Variants in VIPR2 observed in about 807,000 individuals in gnomAD.
The protein encoded by VIPR2 is vasoactive intestinal peptide receptor 2, also known as vasoactive intestinal polypeptide receptor 2.
Under a neutral mutation model 58.0 loss-of-function variants are expected in VIPR2, and 48 were observed. The ratio of observed to expected loss-of-function variants is 0.83; its 90% CI spans 0.66 to 1.05. The LOEUF is 1.05. Ranked by LOEUF, VIPR2 falls within the 50% of genes least tolerant of loss-of-function variation. VIPR2 has a pLI of 0.00. For missense variants in VIPR2, 534 were observed against 558.0 expected (o/e 0.96, Z 0.43); for synonymous variants, 243 against 235.2 (o/e 1.03, Z -0.30).
chr7:159,042,042 G>T (rs896806447), intron 6 of VIPR2, among the ~76,000 whole-genome samples: 1 of 152,136 alleles, frequency 6.6e-6, no homozygotes, highest in African/African-American at 2.4e-5. Context: ...GGCATCACGC[G>T]CCAGCTTATC....
chr7:159,110,414 T>C (rs1002703167), intron 2 of VIPR2, among the ~76,000 whole-genome samples: 2 of 152,276 alleles, frequency 1.3e-5, no homozygotes, highest in Non-Finnish European at 2.9e-5. Flanking sequence ...ATAATTTGCA[T>C]AATGCATAGC....
intron 2 of VIPR2, among the ~76,000 whole-genome samples, chr7:159,140,728 C>G (rs1797430714): frequency 6.6e-6 from 1 of 152,204 alleles, no homozygotes; most frequent in African/African-American, 2.4e-5. Flanking sequence ...TGGCGTGGGG[C>G]TGAGTGACTG....
In VIPR2 at chr7:159,103,812, G is replaced by A. The variant is rs779299615; in HGVS notation, c.302C>T (p.Thr101Met). The change falls in exon 4 of 13, where the codon ACG becomes ATG. Residue 101 changes from threonine (T) to methionine (M), a missense_variant. Transcript: ENST00000262178. The part of the protein sequence containing the change: ...KNCTSDGWSE[T>M]FPDFVDACGY... ...ACAGGCATCGACGAAATCTGGGAAC[G>A]TCTCTGACCATCCGTCACTCGTACA... 10 of 1,614,020 alleles carry A rather than the reference G, an allele frequency of 6.2e-6. No individual in the cohort carries two copies. Among genetic ancestry groups the A allele is most frequent in the South Asian group, 2.2e-5 (2 of 91,080 alleles).
Position 159,096,126 on chromosome 7 carries a change from G to A in VIPR2, c.357+7631C>T, listed in dbSNP as rs1250826578. ...CCCACATACAGACCTCCCCTTAAGG[G>A]GAGCAGCAGGGAGGCTGGACCCTTC... On this transcript the variant is annotated intron_variant, in intron 4 of 12. Coordinates refer to ENST00000262178, the MANE Select transcript of VIPR2 (RefSeq NM_003382.5). This position sits in a 1 kb window ranked among gnomAD's most constrained non-coding sequence, Gnocchi z 5.5. Among the ~76,000 whole-genome samples, 2 of 152,156 alleles carry A rather than the reference G, an allele frequency of 1.3e-5. No individual in the cohort carries two copies. Among genetic ancestry groups the A allele is most frequent in the African/African-American group, 4.8e-5 (2 of 41,440 alleles).
intron 5 of VIPR2, among the ~76,000 whole-genome samples, chr7:159,054,719 T>A (rs1162088671): frequency 6.6e-6 from 1 of 152,220 alleles, no homozygotes; most frequent in African/African-American, 2.4e-5. Context: ...AGTGGGTGTG[T>A]ACACTGGTAA....
In VIPR2 at chr7:159,093,084, G is replaced by A. The variant is rs1036447200; in HGVS notation, c.357+10673C>T. On this transcript the variant is annotated intron_variant, in intron 4 of 12. Transcript: ENST00000262178. This position sits in a 1 kb window ranked among gnomAD's most constrained non-coding sequence, Gnocchi z 6.7. ...CTGGTGCCGTCCACTCAGAGAACCC[G>A]TCTAGCAGCGGAGATGCTGCTCCCA... 6.6e-5 allele frequency among the ~76,000 whole-genome samples: 10 copies of A among 152,184 alleles called. No homozygotes were observed. Among genetic ancestry groups the A allele is most frequent in the African/African-American group, 1.9e-4 (8 of 41,438 alleles).
At chr7:159,130,649 C>T (rs1796871553) in intron 2 of VIPR2, among the ~76,000 whole-genome samples, 1 of 152,220 alleles carries the variant, frequency 6.6e-6, no homozygotes, top group Non-Finnish European at 1.5e-5. Flanking sequence ...AAACCCTAGC[C>T]TCTGAGCCTT....
At chr7:159,117,141 T>A in intron 2 of VIPR2, 2 of 599,264 alleles carry the variant, frequency 3.3e-6, no homozygotes, top group East Asian at 2.8e-5. Context: ...GGAAACACAC[T>A]CTGACCACAG....
rs752478955 is a variant in VIPR2 at position 159,043,139 on chromosome 7, G to C, written c.493C>G (p.Leu165Val). The change falls in exon 6 of 13, where the codon CTG becomes GTG. Residue 165 changes from leucine (L) to valine (V), a missense_variant. Transcript: ENST00000262178. Reference protein sequence around the residue: ...HCTRNYIHLNLFLSFILRAIS... With the variant: ...HCTRNYIHLNVFLSFILRAIS... The stretch of plus-strand genomic sequence containing the variant: ...GCTCTCAGGATGAAGGACAGGAACA[G>C]GTTCAGGTGGATGTAATTCCTGGTG... The C allele has an allele frequency of 5.0e-6, 8 of 1,613,970 alleles. No homozygotes were observed. The highest frequency in any genetic ancestry group is 3.3e-5 in the South Asian group (3 of 91,054).
chr7:159,131,524 T>C (rs1362432671), intron 2 of VIPR2, among the ~76,000 whole-genome samples: 1 of 152,242 alleles, frequency 6.6e-6, no homozygotes, highest in Non-Finnish European at 1.5e-5. Flanking sequence ...AGTCTCAGCA[T>C]GTGGCCATTT....
intron 4 of VIPR2, among the ~76,000 whole-genome samples, chr7:159,085,634 G>C (rs1585448731): frequency 6.6e-6 from 1 of 152,208 alleles, no homozygotes; most frequent in African/African-American, 2.4e-5. Flanking sequence ...CGCTGAAGCT[G>C]ACGCCAGGAT....
chr7:159,060,050 C>A (rs1421187981), intron 4 of VIPR2, among the ~76,000 whole-genome samples: 1 of 151,344 alleles, frequency 6.6e-6, no homozygotes, highest in East Asian at 2.0e-4. Flanking sequence ...ACTTACCCAC[C>A]ACCCTCACCT....
intron 4 of VIPR2, among the ~76,000 whole-genome samples, chr7:159,069,953 C>A (rs993385660): frequency 6.6e-6 from 1 of 152,124 alleles, no homozygotes; most frequent in Non-Finnish European, 1.5e-5. Context: ...AGTTTGTCAA[C>A]CCGGAATGTG....
intron 2 of VIPR2, among the ~76,000 whole-genome samples, chr7:159,115,614 T>G (rs181582448): frequency 4.4e-3 from 672 of 152,344 alleles, no homozygotes; most frequent in Non-Finnish European, 7.2e-3. Context: ...CGTCTCACCT[T>G]AATTAGAACA....
intron 4 of VIPR2, among the ~76,000 whole-genome samples, chr7:159,101,312 C>T (rs1329739040): frequency 2.1e-5 from 3 of 145,614 alleles, no homozygotes; most frequent in African/African-American, 5.2e-5. Flanking sequence ...ACGGGTCTCA[C>T]GAGATCCGAC....
intron 3 of VIPR2, among the ~76,000 whole-genome samples, chr7:159,104,666 C>T (rs183995586): frequency 3.9e-4 from 59 of 150,160 alleles, no homozygotes; most frequent in African/African-American, 1.4e-3. Flanking sequence ...CCAGCAACAC[C>T]CTCCCTCCTC....
chr7:159,106,116 C>T (rs1260885587), intron 3 of VIPR2, among the ~76,000 whole-genome samples: 3 of 152,230 alleles, frequency 2.0e-5, no homozygotes, highest in Non-Finnish European at 4.4e-5. Flanking sequence ...CTGCAGGCCC[C>T]TATCCTGAGC....
intron 5 of VIPR2, among the ~76,000 whole-genome samples, chr7:159,056,855 G>A (rs1488959967): frequency 5.3e-5 from 8 of 152,194 alleles, no homozygotes; most frequent in African/African-American, 1.9e-4. Context: ...ACAGAAGGAC[G>A]TGGGATGAGC....
Position 159,127,918 on chromosome 7 carries a change from G to GAAT in VIPR2, c.151+14527_151+14528insATT, listed in dbSNP as rs1796714668. Among the ~76,000 whole-genome samples, 1 of 152,168 alleles carries GAAT rather than the reference G, an allele frequency of 6.6e-6. No individual in the cohort carries two copies. The highest frequency in any genetic ancestry group is 1.5e-5 in the Non-Finnish European group (1 of 68,020). On this transcript the variant is annotated intron_variant, in intron 2 of 12. Transcript: ENST00000262178. The surrounding 1 kb of genome is among the most constrained non-coding windows in gnomAD (Gnocchi z 4.6). Reference sequence around the variant, plus strand: ...AACATTCAAGGCCTCAAGGCACGGGGAGTCCTGCCGTGCTATTCCAAGGAC... The same window carrying GAAT: ...AACATTCAAGGCCTCAAGGCACGGGGAATAGTCCTGCCGTGCTATTCCAAGGAC...
Sources: gnomAD v4.1 joint callset for allele counts (sites outside exome capture counted in the v4.1 genomes callset) on GRCh38, gnomAD v4.1.1 for gene constraint, Gnocchi (gnomAD v3.1) non-coding constraint, MANE v1.5 for transcripts, NCBI Gene and HGNC (gene_info 2026-07-23, HGNC 2026-07-21) for gene names.